The following TPD52L1 variants were observed in gnomAD, a reference collection of about 807,000 sequenced individuals.
TPD52L1 encodes the protein TPD52 like 1.
TPD52L1 carries 18 observed loss-of-function variants against 28.7 expected under a neutral mutation model. The ratio of observed to expected loss-of-function variants is 0.63; its 90% confidence interval spans 0.43 to 0.93. TPD52L1 has a LOEUF of 0.93. Among genes scored for constraint, TPD52L1 ranks in the 40% least tolerant of loss-of-function variants. The probability of loss-of-function intolerance (pLI) is 0.00; values close to 1 mark genes in which losing one functional copy is unlikely to be tolerated. For synonymous variants in TPD52L1, 75 were observed against 88.8 expected (o/e 0.84, Z 0.88); for missense variants, 203 against 254.8 (o/e 0.80, Z 1.39).
At position 125,153,870 on chromosome 6, in the gene TPD52L1, C is replaced by T; in HGVS notation, c.-82C>T. On this transcript the variant is annotated 5_prime_UTR_variant, in exon 1 of 7. Coordinates refer to ENST00000534000, the MANE Select transcript of TPD52L1 (RefSeq NM_003287.4). ...TGGGAGCGAGCGGCGGGGCCAGCTGCGTTCTGAGCCTGGGCGCAGCTGCCA... is the reference window on the plus strand; with the variant it reads ...TGGGAGCGAGCGGCGGGGCCAGCTGTGTTCTGAGCCTGGGCGCAGCTGCCA... 4 of 1,497,862 alleles carry T rather than the reference C, an allele frequency of 2.7e-6. No individual in the cohort carries two copies. The highest frequency in any genetic ancestry group is 3.6e-6 in the Non-Finnish European group (4 of 1,116,274). The allele number at this position is 1,497,862 out of a possible 1,614,324, so 92.8% of individuals were successfully genotyped here.
intron 1 of TPD52L1, among the ~76,000 whole-genome samples, chr6:125,213,172 G>A (rs1562296073): frequency 6.6e-6 from 1 of 151,966 alleles, no homozygotes; most frequent in African/African-American, 2.4e-5. Flanking sequence ...TTGAGTAGTG[G>A]GGGAAAAAAT....
intron 1 of TPD52L1, among the ~76,000 whole-genome samples, chr6:125,214,739 G>C (rs73771274): frequency 0.076 from 11,525 of 152,168 alleles, 1,443 homozygotes; most frequent in African/African-American, 0.26. Context: ...TTTTGGGAGA[G>C]GCAAAGAGAA....
At chr6:125,212,391 CA>C (rs985795631) in intron 1 of TPD52L1, among the ~76,000 whole-genome samples, 3 of 152,128 alleles carry the variant, frequency 2.0e-5, no homozygotes, top group Admixed American at 2.0e-4. Flanking sequence ...TATTTGCCAA[CA>C]ATGCAGGATA....
chr6:125,196,758 G>T (rs937777880), intron 1 of TPD52L1, among the ~76,000 whole-genome samples: 1 of 152,090 alleles, frequency 6.6e-6, no homozygotes, highest in Non-Finnish European at 1.5e-5. Context: ...CATCACCATG[G>T]TGTCTACGGA....
chr6:125,230,791 A>G (rs908005113), intron 3 of TPD52L1, among the ~76,000 whole-genome samples: 2 of 152,296 alleles, frequency 1.3e-5, no homozygotes, highest in Admixed American at 1.3e-4. Context: ...TAAGGACTCA[A>G]TCAGATAGGT....
chr6:125,226,295 G>A (rs9482613), intron 2 of TPD52L1, among the ~76,000 whole-genome samples: 2,234 of 152,260 alleles, frequency 0.015, 48 homozygotes, highest in African/African-American at 0.051. Flanking sequence ...TTCCCCATAT[G>A]TGTCTTTGAA....
intron 1 of TPD52L1, among the ~76,000 whole-genome samples, chr6:125,209,625 C>T (rs975724555): frequency 4.6e-5 from 7 of 152,196 alleles, no homozygotes; most frequent in Non-Finnish European, 2.9e-5. Context: ...CCATCTGTCT[C>T]AGAGAGTCCA....
chr6:125,170,897 C>G (rs759838841), intron 1 of TPD52L1, among the ~76,000 whole-genome samples: 79 of 152,192 alleles, frequency 5.2e-4, no homozygotes, highest in Middle Eastern at 3.4e-3. Flanking sequence ...GTTCTGGTAT[C>G]TGAGACTCCA....
chr6:125,179,718 T>C (rs1323828809), intron 1 of TPD52L1, among the ~76,000 whole-genome samples: 4 of 152,216 alleles, frequency 2.6e-5, no homozygotes, highest in African/African-American at 9.7e-5. Flanking sequence ...GAACTTTCAT[T>C]TATTTATTTT....
chr6:125,209,507 A>G (rs1363234054), intron 1 of TPD52L1, among the ~76,000 whole-genome samples: 4 of 152,212 alleles, frequency 2.6e-5, no homozygotes, highest in Non-Finnish European at 4.4e-5. Flanking sequence ...CTCTCTATGC[A>G]TGTAGAGAAT....
rs969108007 is a variant in TPD52L1, at chr6:125,248,220, G to A, written c.285-62G>A. On this transcript the variant is annotated intron_variant, in intron 3 of 6. Transcript: ENST00000534000. ...CATTTTCAAAGTAAGGAGTGAGAAG[G>A]AAGATGAATTGTTTATGGGAGATCA... 1.7e-5 allele frequency: 23 copies of A among 1,315,326 alleles called. No individual in the cohort carries two copies. In the African/African-American group the frequency reaches 2.5e-4, roughly 14 times the overall value. 81.5% of individuals were successfully genotyped at this position (1,315,326 alleles called of 1,614,324 possible).
chr6:125,209,246 A>G (rs1280385255), intron 1 of TPD52L1, among the ~76,000 whole-genome samples: 12 of 152,232 alleles, frequency 7.9e-5, no homozygotes, highest in Non-Finnish European at 1.8e-4. Flanking sequence ...ATGAAGGGCC[A>G]GGCACATTGA....
At chr6:125,205,605 A>AT (rs1341916095) in intron 1 of TPD52L1, among the ~76,000 whole-genome samples, 1 of 152,184 alleles carries the variant, frequency 6.6e-6, no homozygotes, top group Non-Finnish European at 1.5e-5. Flanking sequence ...GCTTATGTAT[A>AT]TTCCTGAAAC....
intron 1 of TPD52L1, among the ~76,000 whole-genome samples, chr6:125,157,701 A>C (rs1790229164): frequency 6.6e-6 from 1 of 152,240 alleles, no homozygotes; most frequent in Admixed American, 6.5e-5. Context: ...AAATGGAAAT[A>C]ACTTTGTTGT....
chr6:125,207,458 T>A (rs1045602098), intron 1 of TPD52L1, among the ~76,000 whole-genome samples: 10 of 152,242 alleles, frequency 6.6e-5, no homozygotes, highest in African/African-American at 2.4e-4. Flanking sequence ...CTTCTGTTTC[T>A]ACACATTTTG....
intron 3 of TPD52L1, among the ~76,000 whole-genome samples, chr6:125,233,399 C>A (rs1796069301): frequency 6.6e-6 from 1 of 152,034 alleles, no homozygotes; most frequent in Non-Finnish European, 1.5e-5. Flanking sequence ...TATGAGGGAG[C>A]CTGGTTGTAG....
At chr6:125,254,136 C>T (rs903524887) in intron 5 of TPD52L1, among the ~76,000 whole-genome samples, 2 of 152,126 alleles carry the variant, frequency 1.3e-5, no homozygotes, top group African/African-American at 2.4e-5. Flanking sequence ...TTCTTATTTC[C>T]GCAGAATTAA....
chr6:125,243,428 A>G (rs1272524645), intron 3 of TPD52L1, among the ~76,000 whole-genome samples: 1 of 151,956 alleles, frequency 6.6e-6, no homozygotes, highest in Non-Finnish European at 1.5e-5. Context: ...CTTCTTCCTC[A>G]GAAACAGCAA....
intron 1 of TPD52L1, among the ~76,000 whole-genome samples, chr6:125,183,241 G>A (rs765540721): frequency 2.0e-5 from 3 of 152,186 alleles, no homozygotes; most frequent in African/African-American, 4.8e-5. Context: ...ATTTTGGGAA[G>A]CCGAGGTGGG....
Sources: allele counts gnomAD v4.1 joint callset (sites outside exome capture counted in the v4.1 genomes callset), GRCh38; gene constraint gnomAD v4.1.1; transcripts MANE v1.5; gene names NCBI Gene and HGNC (gene_info 2026-07-23, HGNC 2026-07-21).